ABLIM2: variants seen among roughly 807,000 people sequenced by gnomAD.
ABLIM2 encodes actin binding LIM protein family member 2.
In ABLIM2, 53 loss-of-function variants were observed where a neutral mutation model predicts 97.7. The ratio of observed to expected loss-of-function variants is 0.54; its 90% CI spans 0.44 to 0.68. ABLIM2 has a LOEUF of 0.68. ABLIM2 is among the 30% of genes least tolerant of loss of function. The pLI is 0.00. For missense variants in ABLIM2, 835 were observed against 867.2 expected (o/e 0.96, Z 0.47); for synonymous variants, 361 against 345.8 (o/e 1.04, Z -0.49).
At chr4:8,010,655 C>G in intron 14 of ABLIM2, 1 of 898,124 alleles carries the variant, frequency 1.1e-6, no homozygotes, top group Non-Finnish European at 1.3e-6. Flanking sequence ...CCAGGAGAGA[C>G]AGTGATTTTC....
intron 2 of ABLIM2, among the ~76,000 whole-genome samples, chr4:8,103,715 C>T (rs555029852): frequency 6.6e-6 from 1 of 152,242 alleles, no homozygotes; most frequent in Non-Finnish European, 1.5e-5. Flanking sequence ...TTCCCACATC[C>T]ACTGAAGGAG....
intron 20 of ABLIM2, 141 bp from the exon 21 acceptor site, chr4:7,967,244 C>T (rs1040783856): frequency 7.1e-6 from 5 of 706,158 alleles, no homozygotes; most frequent in East Asian, 5.0e-5. Context: ...GGCCTCCTGG[C>T]GGTTCCTGAC....
intron 1 of ABLIM2, among the ~76,000 whole-genome samples, chr4:8,157,142 C>CT (rs1372022124): frequency 2.0e-5 from 3 of 152,220 alleles, no homozygotes; most frequent in African/African-American, 7.2e-5. Context: ...GACCACCAGG[C>CT]AGTCACCATG....
At chr4:8,012,091 C>A in intron 14 of ABLIM2, among the ~76,000 whole-genome samples, 1 of 151,622 alleles carries the variant, frequency 6.6e-6, no homozygotes, top group Non-Finnish European at 1.5e-5. Context: ...CACCACCCAT[C>A]ATCCATCTGC....
chr4:7,990,905 A>G (rs4696726), intron 17 of ABLIM2, among the ~76,000 whole-genome samples: 56,753 of 152,076 alleles, frequency 0.37, 11,448 homozygotes, highest in African/African-American at 0.53. Context: ...AAGCAAAGTC[A>G]TTAATAATAT....
chr4:8,079,125 T>C (rs1290570029), intron 5 of ABLIM2, among the ~76,000 whole-genome samples: 8 of 152,222 alleles, frequency 5.3e-5, no homozygotes, highest in Admixed American at 4.6e-4. Flanking sequence ...GGCCCACAGC[T>C]GGGATAAGCC....
intron 7 of ABLIM2, among the ~76,000 whole-genome samples, chr4:8,059,870 C>T (rs922763313): frequency 3.4e-5 from 5 of 148,902 alleles, no homozygotes; most frequent in African/African-American, 1.3e-4. Flanking sequence ...CTTGCCACTG[C>T]ACTTCCAGCC....
At chr4:8,039,231 G>A (rs188259860) in intron 9 of ABLIM2, among the ~76,000 whole-genome samples, 24 of 152,250 alleles carry the variant, frequency 1.6e-4, no homozygotes, top group African/African-American at 5.3e-4. Flanking sequence ...GATGCCTGGC[G>A]GGGTGTGTTT....
intron 1 of ABLIM2, among the ~76,000 whole-genome samples, chr4:8,154,427 A>G (rs1333634705): frequency 6.7e-6 from 1 of 149,150 alleles, no homozygotes; most frequent in Non-Finnish European, 1.5e-5. Flanking sequence ...GATTACAGGC[A>G]CCCACCACCA....
At position 8,093,055 on chromosome 4, in the gene ABLIM2, G is replaced by A. The variant is rs538781760; in HGVS notation, c.338+4044C>T. ...GTAGAGACAGGGTTTCACCACGTTG[G>A]CCAGGCTGGTCTCAAACTCCTGAGC... is the stretch of plus-strand genomic sequence containing the variant. On this transcript the variant is annotated intron_variant, in intron 3 of 20. Coordinates refer to ENST00000447017, the MANE Select transcript of ABLIM2 (RefSeq NM_001130083.2). Among the ~76,000 whole-genome samples, 4 of 152,162 alleles carry A rather than the reference G, an allele frequency of 2.6e-5. No homozygotes were observed. The East Asian group carries it at 5.8e-4, about 22-fold the overall frequency.
chr4:8,029,574 G>GA (rs1194351604), intron 11 of ABLIM2, 82 bp downstream of exon 11: 42,634 of 774,564 alleles, frequency 0.055, 15 homozygotes, highest in Middle Eastern at 0.07. Context: ...ACTTATAACC[G>GA]AAAAAAAAAA....
At chr4:8,042,730 T>A (rs1414999146) in intron 9 of ABLIM2, among the ~76,000 whole-genome samples, 2 of 151,468 alleles carry the variant, frequency 1.3e-5, no homozygotes, top group African/African-American at 2.4e-5. Context: ...TCCTAGCTAC[T>A]TGAGAGGCTG....
rs1395060692 is a variant in ABLIM2, at chr4:8,044,511, T to A, written c.900+653A>T. 6.6e-6 allele frequency among the ~76,000 whole-genome samples: 1 copy of A among 151,922 alleles called. No individual in the cohort carries two copies. The highest frequency in any genetic ancestry group is 1.5e-5 in the Non-Finnish European group (1 of 68,006). On this transcript the variant is annotated intron_variant, in intron 9 of 20. Coordinates refer to ENST00000447017, the MANE Select transcript of ABLIM2 (RefSeq NM_001130083.2). The surrounding 1 kb of genome is among the most constrained non-coding windows in gnomAD (Gnocchi z 4.4). ...TTTAAATATACAATATTAAATGTAT[T>A]AAATATTAAATAGAATAATCTCCCA...
intron 10 of ABLIM2, among the ~76,000 whole-genome samples, chr4:8,034,383 A>C (rs1297454845): frequency 7.4e-6 from 1 of 134,994 alleles, no homozygotes; most frequent in Non-Finnish European, 1.6e-5. Context: ...GTGTGTGGTA[A>C]GTGGGTGCAG....
chr4:7,976,698 T>C (rs1205874525), intron 20 of ABLIM2, among the ~76,000 whole-genome samples: 1 of 151,272 alleles, frequency 6.6e-6, no homozygotes, highest in African/African-American at 2.5e-5. Context: ...TGCACACACA[T>C]GCACACACAC....
Position 8,005,444 on chromosome 4 carries a change from G to A in ABLIM2, c.1618+2615C>T, listed in dbSNP as rs375537277. ...ATGGACGTCCCGGGGTGCAGGTGGC[G>A]TGCCTTGCTGTGTGCAAATGCTTTG... On this transcript the variant is annotated intron_variant, in intron 16 of 20. Coordinates refer to ENST00000447017, the MANE Select transcript of ABLIM2 (RefSeq NM_001130083.2). This position sits in a 1 kb window ranked among gnomAD's most constrained non-coding sequence, Gnocchi z 4.9. 3.0e-5 allele frequency: 16 copies of A among 532,618 alleles called. No homozygotes were observed. Among genetic ancestry groups the A allele is most frequent in the South Asian group, 7.0e-5 (5 of 71,528 alleles). The allele number at this position is 532,618 out of a possible 1,614,324, so 33.0% of individuals were successfully genotyped here.
chr4:8,047,885 T>A (rs1456175413), intron 8 of ABLIM2, among the ~76,000 whole-genome samples: 1 of 152,192 alleles, frequency 6.6e-6, no homozygotes, highest in Admixed American at 6.5e-5. Context: ...GAGAACCCTC[T>A]CCTCTGCAAA....
rs1213616718 is a variant in ABLIM2 at position 8,023,301 on chromosome 4, T to C, written c.1268-2998A>G. 6.6e-6 allele frequency among the ~76,000 whole-genome samples: 1 copy of C among 152,230 alleles called. No homozygotes were observed. Among genetic ancestry groups the C allele is most frequent in the Non-Finnish European group, 1.5e-5 (1 of 68,044 alleles). On this transcript the variant is annotated intron_variant, in intron 12 of 20. Transcript: ENST00000447017. This position sits in a 1 kb window ranked among gnomAD's most constrained non-coding sequence, Gnocchi z 5.7. ...GCTCCAGGATCCCACCCAGGAAACA[T>C]GACGTTCTGTCGGCACGTCTCCCAA...
chr4:8,071,856 C>T lies in ABLIM2; in HGVS notation c.675+5772G>A, dbSNP rs1371106713. Reference sequence around the variant, plus strand: ...GAACGTGTGCCTGCGAGGGTGGACACCCTCACCTTCAGCCAACAGTCTGTC... The same window carrying T: ...GAACGTGTGCCTGCGAGGGTGGACATCCTCACCTTCAGCCAACAGTCTGTC... On this transcript the variant is annotated intron_variant, in intron 6 of 20. Coordinates refer to ENST00000447017, the MANE Select transcript of ABLIM2 (RefSeq NM_001130083.2). This position sits in a 1 kb window ranked among gnomAD's most constrained non-coding sequence, Gnocchi z 6.2. 1.0e-6 allele frequency: 1 copy of T among 985,342 alleles called. No homozygotes were observed. Among genetic ancestry groups the T allele is most frequent in the Admixed American group, 6.1e-5 (1 of 16,268 alleles). 61.0% of individuals were successfully genotyped at this position (985,342 alleles called of 1,614,324 possible).
Sources: allele counts gnomAD v4.1 joint callset (sites outside exome capture counted in the v4.1 genomes callset), GRCh38; gene constraint gnomAD v4.1.1; non-coding constraint Gnocchi (gnomAD v3.1); transcripts MANE v1.5; gene names NCBI Gene and HGNC (gene_info 2026-07-23, HGNC 2026-07-21).